THNSL1: variants seen among roughly 807,000 people sequenced by gnomAD.
THNSL1 encodes threonine synthase like 1.
Under a neutral mutation model 50.4 loss-of-function variants are expected in THNSL1, and 48 were observed. The ratio of observed to expected loss-of-function variants is 0.95; its 90% CI spans 0.76 to 1.21. THNSL1 has a LOEUF of 1.21. THNSL1 is among the 50% of genes most tolerant of loss of function. The probability of loss-of-function intolerance (pLI) is 0.00; values close to 1 mark genes in which losing one functional copy is unlikely to be tolerated. For missense variants in THNSL1, 896 were observed against 871.7 expected (o/e 1.03, Z -0.35); for synonymous variants, 309 against 306.1 (o/e 1.01, Z -0.10).
At chr10:24,991,660 G>A in the THNSL1 span, among the ~76,000 whole-genome samples, 1 of 152,184 alleles carries the variant, frequency 6.6e-6, no homozygotes, top group African/African-American at 2.4e-5. Flanking sequence ...CCCATCTGCT[G>A]AAGCTACTTC....
chr10:25,016,444 C>G (rs1434522972), upstream of THNSL1, among the ~76,000 whole-genome samples: 9 of 152,230 alleles, frequency 5.9e-5, no homozygotes, highest in African/African-American at 1.4e-4. Flanking sequence ...TGTGAGCAGG[C>G]CCCAATCGCG....
At chr10:24,978,143 A>G in the THNSL1 span, among the ~76,000 whole-genome samples, 1 of 152,182 alleles carries the variant, frequency 6.6e-6, no homozygotes, top group Non-Finnish European at 1.5e-5. Context: ...ACTATCTTTC[A>G]GTTTGCAGGT....
the THNSL1 span, among the ~76,000 whole-genome samples, chr10:25,009,203 T>C: frequency 6.6e-6 from 1 of 152,028 alleles, no homozygotes; most frequent in Admixed American, 6.6e-5. Context: ...CATGTATACA[T>C]ATGTAACAAA....
At chr10:24,991,521 A>G in the THNSL1 span, among the ~76,000 whole-genome samples, 5,592 of 152,098 alleles carry the variant, frequency 0.037, 245 homozygotes, top group African/African-American at 0.11. Context: ...AGAGCACACC[A>G]ATGGGCACCA....
the THNSL1 span, among the ~76,000 whole-genome samples, chr10:24,998,273 T>TTTTTC: frequency 2.8e-4 from 43 of 151,996 alleles, no homozygotes; most frequent in Admixed American, 3.9e-4. Flanking sequence ...ACTCGTTTCT[T>TTTTTC]TTTTCTTTTC....
At chr10:24,959,170 C>G in the THNSL1 span, among the ~76,000 whole-genome samples, 364 of 152,008 alleles carry the variant, frequency 2.4e-3, 3 homozygotes, top group African/African-American at 7.5e-3. Flanking sequence ...ACTTCAAAAA[C>G]AAAAACAAAA....
the THNSL1 span, among the ~76,000 whole-genome samples, chr10:24,980,095 T>C: frequency 6.6e-6 from 1 of 152,234 alleles, no homozygotes; most frequent in Admixed American, 6.5e-5. Flanking sequence ...CCCATGCTCA[T>C]CTGATCTTCC....
At chr10:24,984,290 C>G in the THNSL1 span, 149 of 1,453,210 alleles carry the variant, frequency 1.0e-4, no homozygotes, top group Non-Finnish European at 2.8e-6. Context: ...GTGTTGGAGA[C>G]AGTTTAGAGT....
chr10:24,966,999 T>A, the THNSL1 span, among the ~76,000 whole-genome samples: 2 of 152,086 alleles, frequency 1.3e-5, no homozygotes, highest in African/African-American at 4.8e-5. Flanking sequence ...GTCATAACAA[T>A]TTATTTTTTT....
intron 1 of THNSL1, among the ~76,000 whole-genome samples, chr10:25,021,067 G>A (rs1467034311): frequency 1.3e-5 from 2 of 152,110 alleles, no homozygotes; most frequent in African/African-American, 4.8e-5. Context: ...CTTGATTCGT[G>A]GGTGAACACC....
At chr10:25,004,102 G>T in the THNSL1 span, among the ~76,000 whole-genome samples, 1 of 152,078 alleles carries the variant, frequency 6.6e-6, no homozygotes, top group African/African-American at 2.4e-5. Flanking sequence ...CAAAGAATAC[G>T]ATCTCATTCT....
the THNSL1 span, among the ~76,000 whole-genome samples, chr10:24,960,681 C>A: frequency 2.0e-5 from 3 of 152,060 alleles, no homozygotes; most frequent in Admixed American, 2.0e-4. Context: ...CCTGCCTCAG[C>A]CTCCCAAAGT....
At chr10:24,984,773 T>G in the THNSL1 span, 1 of 1,613,488 alleles carries the variant, frequency 6.2e-7, no homozygotes, top group Non-Finnish European at 8.5e-7. Flanking sequence ...TTTTCAATTA[T>G]GCCAATGTCG....
Position 25,021,733 on chromosome 10 carries a change from C to T in THNSL1, c.-215-9C>T, listed in dbSNP as rs141182903. ...AGTTATGATTAACTTAAATTTTTTTCCATTATAGACTCCACGTTTTGCAAA... is the reference window on the plus strand; with the variant it reads ...AGTTATGATTAACTTAAATTTTTTTTCATTATAGACTCCACGTTTTGCAAA... On this transcript the variant is annotated splice_polypyrimidine_tract_variant and intron_variant, in intron 1 of 2. Transcript: ENST00000376356. 1 of 152,022 alleles carries T rather than the reference C, an allele frequency of 6.6e-6. No homozygotes were observed. The allele number at this position is 152,022 out of a possible 1,614,324, so 9.4% of individuals were successfully genotyped here.
upstream of THNSL1, among the ~76,000 whole-genome samples, chr10:25,013,479 A>T (rs748178609): frequency 3.9e-5 from 6 of 152,240 alleles, no homozygotes; most frequent in Non-Finnish European, 8.8e-5. Flanking sequence ...GTTGGACATG[A>T]CTGTCAAAAT....
In THNSL1 at chr10:25,024,118, T is replaced by G. The variant is rs764852189; in HGVS notation, c.895T>G (p.Cys299Gly). 10 of 1,614,044 alleles carry G rather than the reference T, an allele frequency of 6.2e-6. No homozygotes were observed. The highest frequency in any genetic ancestry group is 8.5e-6 in the Non-Finnish European group (10 of 1,180,026). Residue 299 changes from cysteine (C) to glycine (G), a missense_variant, in exon 3 of 3, where the codon TGT becomes GGT. By Grantham distance (159) the Cys-to-Gly change is radical. Transcript: ENST00000376356. Reference sequence around the variant, plus strand: ...AAGAGCACAGATACTGTTGGAAAGATGTATCCATCCTGCAGACATACCTGC... The same window carrying G: ...AAGAGCACAGATACTGTTGGAAAGAGGTATCCATCCTGCAGACATACCTGC... ...VERAQILLERCIHPADIPAAR... is the reference protein window; with the variant it reads ...VERAQILLERGIHPADIPAAR...
At chr10:25,017,783 C>A (rs73608224) in intron 1 of THNSL1, among the ~76,000 whole-genome samples, 4,215 of 152,144 alleles carry the variant, frequency 0.028, 133 homozygotes, top group African/African-American at 0.074. Context: ...CACTTTGCCC[C>A]TTTCTTTTCG....
chr10:24,984,589 TC>T, the THNSL1 span: 1 of 1,030,734 alleles, frequency 9.7e-7, no homozygotes, highest in Non-Finnish European at 1.4e-6. Context: ...ACTCAATTAT[TC>T]TTTGCATATT....
chr10:24,967,002 A>T, the THNSL1 span, among the ~76,000 whole-genome samples: 1 of 148,302 alleles, frequency 6.7e-6, no homozygotes, highest in Non-Finnish European at 1.5e-5. Flanking sequence ...ATAACAATTT[A>T]TTTTTTTTTT....
Sources: gnomAD v4.1 joint callset for allele counts (sites outside exome capture counted in the v4.1 genomes callset) on GRCh38, gnomAD v4.1.1 for gene constraint, MANE v1.5 for transcripts, NCBI Gene and HGNC (gene_info 2026-07-23, HGNC 2026-07-21) for gene names.